VRK2: variants seen among roughly 807,000 people sequenced by gnomAD.
The protein encoded by VRK2 is serine/threonine-protein kinase VRK2.
A neutral mutation model predicts 57.6 loss-of-function variants in VRK2; 60 were observed. That is an observed-to-expected ratio of 1.04 (90% CI 0.85 to 1.29). VRK2 has a LOEUF of 1.29. Ranked by LOEUF, VRK2 falls within the 50% of genes most tolerant of loss-of-function variation. VRK2 has a pLI of 0.00. For synonymous variants in VRK2, 231 were observed against 199.2 expected (o/e 1.16, Z -1.35); for missense variants, 705 against 588.1 (o/e 1.20, Z -2.06).
At chr2:58,113,238 G>A (rs1675849522) in intron 7 of VRK2, among the ~76,000 whole-genome samples, 1 of 151,834 alleles carries the variant, frequency 6.6e-6, no homozygotes, top group African/African-American at 2.4e-5. Flanking sequence ...GAACCCGGGA[G>A]GCGGAGGTTG....
At chr2:57,961,623 ACCC>A (rs10588765) in intron 1 of VRK2, among the ~76,000 whole-genome samples, 9 of 95,818 alleles carry the variant, frequency 9.4e-5, no homozygotes, top group East Asian at 3.3e-4. Flanking sequence ...CACTGTACCC[ACCC>A]CCCCCCCCAC....
At chr2:58,067,655 G>T (rs976027326) in intron 2 of VRK2, among the ~76,000 whole-genome samples, 6 of 151,816 alleles carry the variant, frequency 4.0e-5, no homozygotes, top group African/African-American at 1.5e-4. Context: ...TCCTGCTTAG[G>T]CTATATCTCA....
intron 1 of VRK2, 174 bp downstream of exon 1, chr2:58,047,042 G>C (rs916377160): frequency 6.9e-5 from 64 of 932,828 alleles, no homozygotes; most frequent in Non-Finnish European, 7.3e-5. Flanking sequence ...TTCCGCGTTT[G>C]GTTCTTTTTT....
rs943374883 is a variant in VRK2, at chr2:58,089,660, T to C, written c.480T>C (p.Asn160=). The part of the protein sequence containing the change: ...MLDVLEYIHE[N]EYVHGDIKAA... Reference sequence around the variant, plus strand: ...ATGTACTGGAATATATACATGAAAATGAATATGTTCATGGTGATATAAAAG... The same window carrying C: ...ATGTACTGGAATATATACATGAAAACGAATATGTTCATGGTGATATAAAAG... The change falls in exon 7 of 13, where the codon AAT becomes AAC. Residue 160 remains asparagine (N), a synonymous_variant. Transcript: ENST00000340157. The C allele has an allele frequency of 1.2e-6, 2 of 1,606,908 alleles. No homozygotes were observed. Among genetic ancestry groups the C allele is most frequent in the African/African-American group, 2.7e-5 (2 of 74,770 alleles).
chr2:58,099,147 C>A (rs977957615), intron 7 of VRK2, among the ~76,000 whole-genome samples: 1 of 151,900 alleles, frequency 6.6e-6, no homozygotes, highest in Admixed American at 6.6e-5. Flanking sequence ...TGCCCACTTG[C>A]CTATATCTCC....
chr2:57,977,011 A>C (rs1206057994), intron 1 of VRK2, among the ~76,000 whole-genome samples: 1 of 152,046 alleles, frequency 6.6e-6, no homozygotes, highest in Non-Finnish European at 1.5e-5. Context: ...TTTGTCAAAG[A>C]TCAGATGGTT....
At chr2:58,014,278 T>C (rs1243251137) in intron 1 of VRK2, among the ~76,000 whole-genome samples, 1 of 152,218 alleles carries the variant, frequency 6.6e-6, no homozygotes, top group African/African-American at 2.4e-5. Flanking sequence ...TCAAGAGTAA[T>C]GTAAATTATC....
intron 7 of VRK2, among the ~76,000 whole-genome samples, chr2:58,112,646 G>C (rs2032825216): frequency 6.6e-6 from 1 of 151,778 alleles, no homozygotes; most frequent in Non-Finnish European, 1.5e-5. Context: ...GAGACTCAAA[G>C]AAGGTCCAGA....
At chr2:58,094,973 T>G (rs1186290236) in intron 7 of VRK2, among the ~76,000 whole-genome samples, 1 of 152,204 alleles carries the variant, frequency 6.6e-6, no homozygotes, top group Non-Finnish European at 1.5e-5. Context: ...TACTGGATTT[T>G]CTGTATTATT....
At chr2:58,147,193 A>T (rs1299434907) in intron 12 of VRK2, 1 of 517,982 alleles carries the variant, frequency 1.9e-6, no homozygotes, top group African/African-American at 1.9e-5. Flanking sequence ...CACTAAACTG[A>T]GCACTGAATT....
At chr2:57,941,675 T>C (rs1239366786) in intron 1 of VRK2, among the ~76,000 whole-genome samples, 2 of 152,186 alleles carry the variant, frequency 1.3e-5, no homozygotes, top group Non-Finnish European at 2.9e-5. Context: ...ATAAGCTTTT[T>C]TACTAAAGAG....
intron 1 of VRK2, among the ~76,000 whole-genome samples, chr2:57,933,870 T>C (rs1670820133): frequency 6.6e-6 from 1 of 152,170 alleles, no homozygotes; most frequent in Non-Finnish European, 1.5e-5. Flanking sequence ...AATCCTTGGA[T>C]TCTCTTTGTC....
chr2:58,027,696 A>C (rs1305248495), intron 2 of VRK2, among the ~76,000 whole-genome samples: 2 of 152,186 alleles, frequency 1.3e-5, no homozygotes, highest in African/African-American at 4.8e-5. Flanking sequence ...TAAAGATAGA[A>C]ATAATGACAT....
chr2:58,016,757 T>C (rs1418267894), intron 1 of VRK2, among the ~76,000 whole-genome samples: 3 of 152,230 alleles, frequency 2.0e-5, no homozygotes, highest in East Asian at 3.8e-4. Flanking sequence ...TAGACTCTCG[T>C]GGAGAATATG....
At chr2:58,012,848 T>C (rs1430453045) in intron 1 of VRK2, among the ~76,000 whole-genome samples, 1 of 152,238 alleles carries the variant, frequency 6.6e-6, no homozygotes, top group East Asian at 1.9e-4. Flanking sequence ...TATTATATCT[T>C]AATAACACTA....
At chr2:57,972,249 T>TTTGC (rs1275710474) in intron 1 of VRK2, among the ~76,000 whole-genome samples, 2 of 151,470 alleles carry the variant, frequency 1.3e-5, no homozygotes, top group African/African-American at 4.8e-5. Flanking sequence ...TTTTTGTTTG[T>TTTGC]TTGTTTGTTT....
At chr2:57,965,733 A>C (rs1254276708) in intron 1 of VRK2, among the ~76,000 whole-genome samples, 1 of 152,166 alleles carries the variant, frequency 6.6e-6, no homozygotes, top group Non-Finnish European at 1.5e-5. Context: ...CGTTCAGCTT[A>C]TGACAACATC....
intron 2 of VRK2, among the ~76,000 whole-genome samples, chr2:58,053,251 G>A (rs890217486): frequency 6.6e-6 from 1 of 152,180 alleles, no homozygotes; most frequent in Non-Finnish European, 1.5e-5. Flanking sequence ...CAGGACATCA[G>A]TAGCAATATC....
intron 3 of VRK2, among the ~76,000 whole-genome samples, chr2:58,035,818 G>A (rs1222341358): frequency 3.3e-5 from 5 of 152,070 alleles, no homozygotes; most frequent in East Asian, 3.9e-4. Context: ...ACCCAACCAC[G>A]TTATGTGTGA....
Sources: allele counts gnomAD v4.1 joint callset (sites outside exome capture counted in the v4.1 genomes callset), GRCh38; gene constraint gnomAD v4.1.1; transcripts MANE v1.5; gene names NCBI Gene and HGNC (gene_info 2026-07-23, HGNC 2026-07-21).